CTNNA3: variants seen among roughly 807,000 people sequenced by gnomAD.
The protein encoded by CTNNA3 is catenin alpha-3.
Under a neutral mutation model 95.7 loss-of-function variants are expected in CTNNA3, and 76 were observed. The ratio of observed to expected loss-of-function variants is 0.79; its 90% confidence interval spans 0.66 to 0.96. The LOEUF (loss-of-function observed/expected upper bound fraction) is 0.96, where lower values mean the gene tolerates loss of function less well. Among genes scored for constraint, CTNNA3 ranks in the 40% least tolerant of loss-of-function variants. The pLI is 0.00. For missense variants in CTNNA3, 1,191 were observed against 1,089.8 expected (o/e 1.09, Z -1.31); for synonymous variants, 431 against 374.4 (o/e 1.15, Z -1.74).
At chr10:66,319,670 C>A (rs1379357604) in intron 12 of CTNNA3, among the ~76,000 whole-genome samples, 1 of 152,094 alleles carries the variant, frequency 6.6e-6, no homozygotes, top group African/African-American at 2.4e-5. Context: ...CTATAAATTT[C>A]TTGTCATTAG....
intron 2 of CTNNA3, among the ~76,000 whole-genome samples, chr10:67,645,510 T>C (rs947729626): frequency 1.4e-4 from 21 of 152,150 alleles, no homozygotes; most frequent in Admixed American, 5.2e-4. Flanking sequence ...TCCCTATTCC[T>C]ACTCCTTATA....
chr10:66,151,440 T>C (rs1179726015), intron 13 of CTNNA3, among the ~76,000 whole-genome samples: 2 of 151,980 alleles, frequency 1.3e-5, no homozygotes, highest in African/African-American at 4.8e-5. Context: ...CCATAGAATT[T>C]TGAGGATATT....
At chr10:67,058,585 T>A (rs1045380573) in intron 7 of CTNNA3, among the ~76,000 whole-genome samples, 5 of 152,136 alleles carry the variant, frequency 3.3e-5, no homozygotes, top group Non-Finnish European at 5.9e-5. Flanking sequence ...ATCATTCACA[T>A]CCTCCATTGC....
At chr10:66,360,684 TTCCTTCCTTTTC>T (rs1474633940) in intron 12 of CTNNA3, among the ~76,000 whole-genome samples, 11 of 60,130 alleles carry the variant, frequency 1.8e-4, no homozygotes, top group Admixed American at 4.0e-4. Flanking sequence ...CCTTCCTTCC[TTCCTTCCTTTTC>T]TTTCTTTCTT....
rs997692485 is a variant in CTNNA3, at chr10:66,930,105, A to G, written c.1048-154581T>C. ...TTTCATATGCTGAGAGGAAAAATCT[A>G]GGCAAGTCACCATAAAATAAAATTT... On this transcript the variant is annotated intron_variant, in intron 7 of 17. Transcript: ENST00000433211. Among the ~76,000 whole-genome samples the G allele has an allele frequency of 3.3e-5, 5 of 152,296 alleles. No individual in the cohort carries two copies. The East Asian group carries it at 9.6e-4, about 29-fold the overall frequency.
At chr10:66,869,164 A>G (rs1844300423) in intron 7 of CTNNA3, among the ~76,000 whole-genome samples, 1 of 152,234 alleles carries the variant, frequency 6.6e-6, no homozygotes. Flanking sequence ...ATAAGCCAAT[A>G]AAAACACTAT....
intron 10 of CTNNA3, among the ~76,000 whole-genome samples, chr10:66,585,329 TTA>T (rs1342004357): frequency 7.9e-5 from 12 of 152,072 alleles, no homozygotes. Context: ...TCTACAATTC[TTA>T]TGTTTGGCCA....
intron 7 of CTNNA3, among the ~76,000 whole-genome samples, chr10:67,060,610 G>A (rs1011126575): frequency 5.9e-5 from 9 of 152,130 alleles, no homozygotes; most frequent in African/African-American, 1.9e-4. Flanking sequence ...TCTGGGTTAA[G>A]GTAGCAAAAA....
intron 5 of CTNNA3, among the ~76,000 whole-genome samples, chr10:67,271,395 C>T (rs1182739708): frequency 1.3e-5 from 2 of 152,124 alleles, no homozygotes; most frequent in Admixed American, 6.6e-5. Context: ...TCAACTCTGT[C>T]CTGCCGCCCT....
chr10:65,999,491 T>C (rs984982388), intron 15 of CTNNA3, among the ~76,000 whole-genome samples: 1 of 152,176 alleles, frequency 6.6e-6, no homozygotes, highest in East Asian at 1.9e-4. Flanking sequence ...CTTAAGCACA[T>C]GTAGAACCTA....
chr10:65,967,825 T>C (rs1305650568), intron 16 of CTNNA3, among the ~76,000 whole-genome samples: 1 of 152,170 alleles, frequency 6.6e-6, no homozygotes, highest in Non-Finnish European at 1.5e-5. Flanking sequence ...ATTCCACTTT[T>C]AGTAAATTTT....
intron 15 of CTNNA3, among the ~76,000 whole-genome samples, chr10:65,993,341 G>A (rs2078582286): frequency 6.6e-6 from 1 of 152,172 alleles, no homozygotes; most frequent in Non-Finnish European, 1.5e-5. Context: ...AGAGTTGAGT[G>A]TTGAAGTCTC....
intron 10 of CTNNA3, among the ~76,000 whole-genome samples, chr10:66,614,965 G>A (rs1218129521): frequency 6.6e-6 from 1 of 151,876 alleles, no homozygotes. Flanking sequence ...ACACTTAAGA[G>A]GATCTAATTC....
chr10:66,152,387 T>C (rs1036542687), intron 13 of CTNNA3, among the ~76,000 whole-genome samples: 1 of 151,914 alleles, frequency 6.6e-6, no homozygotes, highest in Non-Finnish European at 1.5e-5. Context: ...AGCTAAATTA[T>C]ATTTCCAAAA....
intron 7 of CTNNA3, among the ~76,000 whole-genome samples, chr10:66,960,019 T>A (rs1259642975): frequency 2.6e-5 from 4 of 152,114 alleles, no homozygotes; most frequent in Non-Finnish European, 4.4e-5. Context: ...CTTTCAGAAG[T>A]CTCTTCAAGC....
intron 7 of CTNNA3, among the ~76,000 whole-genome samples, chr10:66,933,318 C>T (rs891367254): frequency 6.6e-6 from 1 of 152,186 alleles, no homozygotes; most frequent in East Asian, 1.9e-4. Flanking sequence ...TCACAATGTA[C>T]AACAGACATA....
At chr10:66,542,742 G>A (rs1841900091) in intron 10 of CTNNA3, among the ~76,000 whole-genome samples, 1 of 136,022 alleles carries the variant, frequency 7.4e-6, no homozygotes, top group Non-Finnish European at 1.6e-5. Context: ...CTGTTGTGGG[G>A]TTGGGGGAGG....
intron 5 of CTNNA3, among the ~76,000 whole-genome samples, chr10:67,427,024 G>A (rs1377989907): frequency 5.3e-5 from 8 of 151,958 alleles, no homozygotes; most frequent in Non-Finnish European, 8.8e-5. Flanking sequence ...AACTTAGTGC[G>A]TGGTAATTAA....
intron 7 of CTNNA3, among the ~76,000 whole-genome samples, chr10:67,067,300 C>A (rs368383597): frequency 1.3e-5 from 2 of 151,512 alleles, no homozygotes; most frequent in Non-Finnish European, 2.9e-5. Context: ...TCAGTAACCA[C>A]TTTAATACTG....
Sources: allele counts gnomAD v4.1 joint callset (sites outside exome capture counted in the v4.1 genomes callset), GRCh38; gene constraint gnomAD v4.1.1; transcripts MANE v1.5; gene names NCBI Gene and HGNC (gene_info 2026-07-23, HGNC 2026-07-21).